Variants in PLCB1 observed in about 807,000 individuals in gnomAD.
PLCB1 encodes the protein phospholipase C beta 1.
A neutral mutation model predicts 161.8 loss-of-function variants in PLCB1; 46 were observed. The ratio of observed to expected loss-of-function variants is 0.28; its 90% CI spans 0.22 to 0.36. The LOEUF is 0.36. PLCB1 is among the 10% of genes least tolerant of loss of function. The pLI is 1.00. For synonymous variants in PLCB1, 517 were observed against 503.7 expected (o/e 1.03, Z -0.35); for missense variants, 1,016 against 1,472.5 (o/e 0.69, Z 5.07).
intron 2 of PLCB1, among the ~76,000 whole-genome samples, chr20:8,282,480 T>C (rs1982917435): frequency 6.6e-6 from 1 of 152,246 alleles, no homozygotes. Context: ...CAACTTTTTC[T>C]GTTTCTTTAG....
intron 2 of PLCB1, among the ~76,000 whole-genome samples, chr20:8,332,625 C>A (rs1301126200): frequency 6.6e-6 from 1 of 152,194 alleles, no homozygotes; most frequent in East Asian, 1.9e-4. Context: ...CCTGAGATTA[C>A]ACGTAGCCAC....
rs200273472 is a variant in PLCB1, at chr20:8,681,117, T to TAA, written c.863-3814_863-3813insAA. On this transcript the variant is annotated intron_variant, in intron 9 of 31. Coordinates refer to ENST00000338037, the MANE Select transcript of PLCB1 (RefSeq NM_015192.4). ...ATATATATATATATATATATATATATATAATATATATAAAATCAGTGTCTC... is the reference window on the plus strand; with the variant it reads ...ATATATATATATATATATATATATATAAATAATATATATAAAATCAGTGTCTC... Among the ~76,000 whole-genome samples the TAA allele has an allele frequency of 8.4e-3, 870 of 103,272 alleles. 16 individuals are homozygous for TAA. The highest frequency in any genetic ancestry group is 0.021 in the Middle Eastern group (5 of 234). 67.8% of individuals were successfully genotyped at this position (103,272 alleles called of 152,430 possible). A position where few individuals can be genotyped will look rare whatever the true frequency, so the allele number is the denominator to read the frequency against.
chr20:8,488,591 T>G (rs1162213510), intron 3 of PLCB1, among the ~76,000 whole-genome samples: 2 of 152,152 alleles, frequency 1.3e-5, no homozygotes, highest in Non-Finnish European at 2.9e-5. Flanking sequence ...ATAATCTACC[T>G]TACCTTTTTT....
chr20:8,509,120 A>G (rs1011908184), intron 3 of PLCB1, among the ~76,000 whole-genome samples: 2 of 152,160 alleles, frequency 1.3e-5, no homozygotes, highest in Non-Finnish European at 2.9e-5. Flanking sequence ...ATTAAAATCT[A>G]TAATTCATTA....
At position 8,769,389 on chromosome 20, in the gene PLCB1, AG is replaced by A. The variant is rs1183605063; in HGVS notation, c.2930+4032del. Among the ~76,000 whole-genome samples, 4 of 152,236 alleles carry A rather than the reference AG, an allele frequency of 2.6e-5. No individual in the cohort carries two copies. The East Asian group carries it at 7.7e-4, about 29-fold the overall frequency. ...TAGTTCTATTTCTATATATATATAT[AG>A]CATTTTAATGAATTGTAGCATCAAA... On this transcript the variant is annotated intron_variant, in intron 26 of 31. Coordinates refer to ENST00000338037, the MANE Select transcript of PLCB1 (RefSeq NM_015192.4).
At chr20:8,369,674 C>T (rs1986840070) in intron 2 of PLCB1, among the ~76,000 whole-genome samples, 1 of 152,124 alleles carries the variant, frequency 6.6e-6, no homozygotes, top group African/African-American at 2.4e-5. Context: ...TGTCACACCC[C>T]AGGGGTTTGG....
At chr20:8,593,332 C>T (rs1346476539) in intron 3 of PLCB1, among the ~76,000 whole-genome samples, 4 of 151,962 alleles carry the variant, frequency 2.6e-5, no homozygotes, top group Non-Finnish European at 5.9e-5. Context: ...GCCACCATGC[C>T]CATCTAATTT....
intron 31 of PLCB1, among the ~76,000 whole-genome samples, chr20:8,803,614 A>G (rs934367287): frequency 4.6e-5 from 7 of 152,040 alleles, no homozygotes; most frequent in Non-Finnish European, 1.0e-4. Context: ...ACCGACATAT[A>G]ATATCAATTT....
chr20:8,420,787 A>G (rs929524102), intron 3 of PLCB1, among the ~76,000 whole-genome samples: 1 of 152,230 alleles, frequency 6.6e-6, no homozygotes, highest in African/African-American at 2.4e-5. Flanking sequence ...CTAAACAAGA[A>G]TGTCATAATT....
intron 3 of PLCB1, among the ~76,000 whole-genome samples, chr20:8,609,171 T>C (rs947002086): frequency 2.6e-5 from 4 of 152,220 alleles, no homozygotes; most frequent in Non-Finnish European, 5.9e-5. Flanking sequence ...GAAATGAGGC[T>C]ACAGATTTTA....
rs1979985859 is a variant in PLCB1, at chr20:8,727,238, A to G, written c.1679-71A>G. On this transcript the variant is annotated intron_variant, in intron 16 of 31. Coordinates refer to ENST00000338037, the MANE Select transcript of PLCB1 (RefSeq NM_015192.4). ...TGAATATTTACCCATTTCTTTTATAATGTTATAATTTATAACAATGAATTG... is the reference window on the plus strand; with the variant it reads ...TGAATATTTACCCATTTCTTTTATAGTGTTATAATTTATAACAATGAATTG... 9 of 692,288 alleles carry G rather than the reference A, an allele frequency of 1.3e-5. No individual in the cohort carries two copies. In the South Asian group the frequency reaches 1.7e-4, roughly 13 times the overall value. The allele number at this position is 692,288 out of a possible 1,614,324, so 42.9% of individuals were successfully genotyped here. A position where few individuals can be genotyped will look rare whatever the true frequency, so the allele number is the denominator to read the frequency against.
At chr20:8,389,502 T>C (rs984382498) in intron 3 of PLCB1, among the ~76,000 whole-genome samples, 2 of 152,216 alleles carry the variant, frequency 1.3e-5, no homozygotes, top group African/African-American at 4.8e-5. Flanking sequence ...ACAGAATTAG[T>C]ACCATGAGTT....
At chr20:8,789,244 T>G (rs757157060) in intron 29 of PLCB1, among the ~76,000 whole-genome samples, 2 of 152,164 alleles carry the variant, frequency 1.3e-5, no homozygotes, top group Non-Finnish European at 2.9e-5. Context: ...CTGGGTGTGG[T>G]GGTGCACACC....
At position 8,149,378 on chromosome 20, in the gene PLCB1, T is replaced by A. The variant is rs181280989; in HGVS notation, c.100-916T>A. ...CTTACAATAAAACTTAATATGTAGA[T>A]TAAAATCATTCATACTGCTCTGCCC... On this transcript the variant is annotated intron_variant, in intron 1 of 31. Transcript: ENST00000338037. Among the ~76,000 whole-genome samples, 5 of 152,264 alleles carry A rather than the reference T, an allele frequency of 3.3e-5. No homozygotes were observed. The East Asian group carries it at 9.6e-4, about 29-fold the overall frequency.
chr20:8,871,946 T>G (rs1987623602), intron 31 of PLCB1, among the ~76,000 whole-genome samples: 1 of 152,216 alleles, frequency 6.6e-6, no homozygotes, highest in South Asian at 2.1e-4. Context: ...TATTCCTATG[T>G]TATACATGAG....
chr20:8,273,793 G>C (rs1281883696), intron 2 of PLCB1, among the ~76,000 whole-genome samples: 1 of 152,140 alleles, frequency 6.6e-6, no homozygotes, highest in African/African-American at 2.4e-5. Flanking sequence ...CATATGAATT[G>C]TTTCTAAAAT....
At chr20:8,273,221 T>C (rs939659916) in intron 2 of PLCB1, among the ~76,000 whole-genome samples, 1 of 152,176 alleles carries the variant, frequency 6.6e-6, no homozygotes, top group Non-Finnish European at 1.5e-5. Context: ...TAACCAAATC[T>C]ATATTTAAAG....
At chr20:8,515,630 A>G (rs1398106787) in intron 3 of PLCB1, among the ~76,000 whole-genome samples, 2 of 152,206 alleles carry the variant, frequency 1.3e-5, no homozygotes, top group Non-Finnish European at 2.9e-5. Flanking sequence ...TGCCTTGATC[A>G]GAAATAATTT....
At chr20:8,823,528 G>A (rs538639922) in intron 31 of PLCB1, among the ~76,000 whole-genome samples, 3 of 152,302 alleles carry the variant, frequency 2.0e-5, no homozygotes, top group Admixed American at 2.0e-4. Flanking sequence ...GATGCCTAGG[G>A]ACAACTGTAT....
Sources: allele counts gnomAD v4.1 joint callset (sites outside exome capture counted in the v4.1 genomes callset), GRCh38; gene constraint gnomAD v4.1.1; transcripts MANE v1.5; gene names NCBI Gene and HGNC (gene_info 2026-07-23, HGNC 2026-07-21).